NAV3: variants seen among roughly 807,000 people sequenced by gnomAD.
The protein encoded by NAV3 is neuron navigator 3.
Under a neutral mutation model 244.7 loss-of-function variants are expected in NAV3, and 87 were observed. That is an observed-to-expected ratio of 0.36 (90% confidence interval 0.30 to 0.42). The LOEUF is 0.42. Ranked by LOEUF, NAV3 falls within the 20% of genes least tolerant of loss-of-function variation. The pLI is 1.00. For missense variants in NAV3, 2,663 were observed against 2,893.3 expected, an observed-to-expected ratio of 0.92 and a Z score of 1.83; for synonymous variants, 1,126 against 1,042.2, an observed-to-expected ratio of 1.08 and a Z score of -1.55.
chr12:77,634,878 A>G (rs1872087122), intron 2 of NAV3, among the ~76,000 whole-genome samples: 1 of 152,064 alleles, frequency 6.6e-6, no homozygotes, highest in Admixed American at 6.6e-5. Flanking sequence ...ATGAATAGTG[A>G]GCTTCATATT....
chr12:77,740,769 G>A (rs1868313431), intron 2 of NAV3, among the ~76,000 whole-genome samples: 1 of 152,060 alleles, frequency 6.6e-6, no homozygotes, highest in African/African-American at 2.4e-5. Context: ...AATTACTGTG[G>A]AAAAGAGAAG....
rs758875221 is a variant in NAV3, at chr12:78,212,547, G to T, written c.*2030G>T. The T allele has an allele frequency of 6.6e-5, 10 of 152,606 alleles. No individual in the cohort carries two copies. The highest frequency in any genetic ancestry group is 1.3e-4 in the Admixed American group (2 of 15,266). 9.5% of individuals were successfully genotyped at this position (152,606 alleles called of 1,614,324 possible). ...GCCTCAAACATGGATCAAATCTGTT[G>T]TGAAACATCAATATATGTAGCTGGA... is the stretch of plus-strand genomic sequence containing the variant. On this transcript the variant is annotated 3_prime_UTR_variant, in exon 40 of 40. Coordinates refer to ENST00000397909, the MANE Select transcript of NAV3 (RefSeq NM_001024383.2).
At chr12:78,206,222 C>T (rs979332066) in intron 39 of NAV3, among the ~76,000 whole-genome samples, 2 of 152,014 alleles carry the variant, frequency 1.3e-5, no homozygotes, top group Non-Finnish European at 1.5e-5. Context: ...CTGATCTAGG[C>T]GATATCTTCC....
At chr12:78,012,481 A>C (rs375879563) in intron 8 of NAV3, among the ~76,000 whole-genome samples, 2 of 152,132 alleles carry the variant, frequency 1.3e-5, no homozygotes, top group Admixed American at 1.3e-4. Context: ...CCAGGTTCTA[A>C]GTAATCTAAT....
chr12:77,664,073 C>A (rs1873602623), intron 2 of NAV3, among the ~76,000 whole-genome samples: 1 of 152,098 alleles, frequency 6.6e-6, no homozygotes, highest in Non-Finnish European at 1.5e-5. Context: ...GTTTGGTGAC[C>A]ATAACACGAT....
intron 12 of NAV3, among the ~76,000 whole-genome samples, chr12:78,070,987 G>A (rs300419): frequency 0.15 from 20,455 of 138,718 alleles, 1,416 homozygotes; most frequent in South Asian, 0.17. Flanking sequence ...AGTCTTTGCT[G>A]TTGTGAATAA....
chr12:78,144,610 A>G (rs1425952591), intron 20 of NAV3, among the ~76,000 whole-genome samples: 1 of 152,170 alleles, frequency 6.6e-6, no homozygotes, highest in African/African-American at 2.4e-5. Context: ...TACGGTATGT[A>G]TATAATAGAT....
At chr12:77,683,813 C>T (rs1874583400) in intron 2 of NAV3, among the ~76,000 whole-genome samples, 1 of 152,078 alleles carries the variant, frequency 6.6e-6, no homozygotes, top group East Asian at 1.9e-4. Flanking sequence ...CCATTGTATG[C>T]ATATGTTACA....
At chr12:77,572,530 T>C (rs985292170) in intron 2 of NAV3, among the ~76,000 whole-genome samples, 4 of 152,166 alleles carry the variant, frequency 2.6e-5, no homozygotes, top group African/African-American at 9.7e-5. Flanking sequence ...TAGTGACCTG[T>C]TGAACTGACC....
intron 9 of NAV3, among the ~76,000 whole-genome samples, chr12:78,034,319 A>C (rs1769090320): frequency 6.6e-6 from 1 of 152,172 alleles, no homozygotes; most frequent in African/African-American, 2.4e-5. Flanking sequence ...AAAACCACTA[A>C]TCTCAGCATA....
chr12:77,987,404 T>A (rs1870706507), intron 5 of NAV3, among the ~76,000 whole-genome samples: 1 of 152,228 alleles, frequency 6.6e-6, no homozygotes, highest in African/African-American at 2.4e-5. Flanking sequence ...TTGTATAGTA[T>A]AACCTTTGCA....
rs766987938 is a variant in NAV3 at position 77,831,429 on chromosome 12, C to A, written c.-33C>A. ...ACCAGACTGAGGTTAGAAGCATTTT[C>A]TTTGGCAGCAAGAAGATAATTTTAT... is the stretch of plus-strand genomic sequence containing the variant. On this transcript the variant is annotated 5_prime_UTR_variant, in exon 1 of 40. Coordinates refer to ENST00000397909, the MANE Select transcript of NAV3 (RefSeq NM_001024383.2). 1.3e-6 allele frequency: 2 copies of A among 1,555,836 alleles called. No individual in the cohort carries two copies. Among genetic ancestry groups the A allele is most frequent in the Non-Finnish European group, 1.7e-6 (2 of 1,154,774 alleles).
intron 1 of NAV3, among the ~76,000 whole-genome samples, chr12:77,862,236 T>G (rs374733885): frequency 6.6e-6 from 1 of 151,658 alleles, no homozygotes; most frequent in Non-Finnish European, 1.5e-5. Flanking sequence ...AAAATAATGG[T>G]TTTTAATGTT....
chr12:78,184,168 C>A (rs537739924), intron 30 of NAV3, among the ~76,000 whole-genome samples: 1 of 151,848 alleles, frequency 6.6e-6, no homozygotes, highest in Admixed American at 6.6e-5. Flanking sequence ...ACAAGGAATT[C>A]ACTTTCTTTC....
chr12:78,200,292 A>G (rs545369039), intron 37 of NAV3, among the ~76,000 whole-genome samples, 181 bp from the exon 38 acceptor site: 64 of 152,232 alleles, frequency 4.2e-4, no homozygotes, highest in Admixed American at 1.8e-3. Flanking sequence ...TTGTAAAAAG[A>G]TAGAATAGGC....
At chr12:78,017,103 A>C (rs1482968420) in intron 8 of NAV3, among the ~76,000 whole-genome samples, 1 of 152,124 alleles carries the variant, frequency 6.6e-6, no homozygotes, top group East Asian at 1.9e-4. Context: ...TGACCTCTAG[A>C]TGTCTTAATT....
chr12:77,804,974 T>C (rs1247174251), intron 2 of NAV3, among the ~76,000 whole-genome samples: 1 of 152,210 alleles, frequency 6.6e-6, no homozygotes, highest in Non-Finnish European at 1.5e-5. Flanking sequence ...TCTGTTTTTC[T>C]ATTATTGGTG....
chr12:78,202,545 A>G (rs1296772686), intron 38 of NAV3, among the ~76,000 whole-genome samples: 2 of 152,016 alleles, frequency 1.3e-5, no homozygotes. Context: ...TGAAGTTTCC[A>G]TTTGGGCAAA....
chr12:78,052,476 A>G (rs1290301889), intron 11 of NAV3, among the ~76,000 whole-genome samples: 3 of 152,202 alleles, frequency 2.0e-5, no homozygotes, highest in Non-Finnish European at 4.4e-5. Context: ...TTTGTCATCT[A>G]GAATAAGGAT....
Sources: allele counts gnomAD v4.1 joint callset (sites outside exome capture counted in the v4.1 genomes callset), GRCh38; gene constraint gnomAD v4.1.1; transcripts MANE v1.5; gene names NCBI Gene and HGNC (gene_info 2026-07-23, HGNC 2026-07-21).